The following FMN2 variants were observed in gnomAD, a reference collection of about 807,000 sequenced individuals.
FMN2 encodes formin 2, also known as formin-2.
Under a neutral mutation model 142.3 loss-of-function variants are expected in FMN2, and 51 were observed. The observed-to-expected ratio is 0.36, with a 90% CI of 0.29 to 0.45. The LOEUF (loss-of-function observed/expected upper bound fraction) is 0.45. Among genes scored for constraint, FMN2 ranks in the 20% least tolerant of loss-of-function variants. The pLI, the probability that FMN2 is intolerant of heterozygous loss-of-function variation, is 1.00. For synonymous variants in FMN2, 882 were observed against 869.8 expected (o/e 1.01, Z -0.25); for missense variants, 1,936 against 2,122.8 (o/e 0.91, Z 1.73).
intron 7 of FMN2, among the ~76,000 whole-genome samples, chr1:240,268,876 C>T (rs2102916067): frequency 6.6e-6 from 1 of 151,906 alleles, no homozygotes; most frequent in East Asian, 1.9e-4. Context: ...GATCCTTTGC[C>T]CATTTTCAAT....
At chr1:240,398,705 C>G (rs572955450) in intron 15 of FMN2, among the ~76,000 whole-genome samples, 2 of 152,256 alleles carry the variant, frequency 1.3e-5, no homozygotes, top group South Asian at 2.1e-4. Context: ...GATCCTCTGG[C>G]CTTTTGAGTC....
intron 5 of FMN2, 29 bp from the exon 6 acceptor site, chr1:240,211,062 T>A: frequency 1.3e-6 from 2 of 1,585,850 alleles, no homozygotes; most frequent in Non-Finnish European, 1.7e-6. Context: ...GTTTGATGGC[T>A]GTTTTATTGT....
chr1:240,373,724 C>T lies in FMN2; in HGVS notation c.4858+17816C>T, dbSNP rs558190657. Among the ~76,000 whole-genome samples the T allele has an allele frequency of 3.0e-3, 455 of 152,316 alleles. 3 individuals are homozygous for T. The highest frequency in any genetic ancestry group is 0.01 in the African/African-American group (425 of 41,584). ...ACCATTTCTTCAGTTCTTTCCTCTG[C>T]GGAAGACTTGAGCCCCTGCAAGTCA... On this transcript the variant is annotated intron_variant, in intron 14 of 17. Coordinates refer to ENST00000319653, the MANE Select transcript of FMN2 (RefSeq NM_020066.5).
chr1:240,169,380 T>C (rs1190876664), intron 2 of FMN2, among the ~76,000 whole-genome samples: 5 of 152,220 alleles, frequency 3.3e-5, no homozygotes, highest in Non-Finnish European at 7.3e-5. Context: ...TTGAGGTCAG[T>C]AGGACAAGGT....
chr1:240,174,852 T>G (rs1664852284), intron 2 of FMN2, among the ~76,000 whole-genome samples: 1 of 152,258 alleles, frequency 6.6e-6, no homozygotes, highest in African/African-American at 2.4e-5. Context: ...AACATTAATT[T>G]ACCACCTTAA....
chr1:240,276,404 A>G (rs1359301735), intron 7 of FMN2, among the ~76,000 whole-genome samples: 2 of 152,174 alleles, frequency 1.3e-5, no homozygotes, highest in African/African-American at 4.8e-5. Context: ...ATGTAAGGGA[A>G]GAGTGTGAGG....
At chr1:240,419,172 C>T (rs1396513264) in intron 15 of FMN2, among the ~76,000 whole-genome samples, 2 of 152,192 alleles carry the variant, frequency 1.3e-5, no homozygotes, top group African/African-American at 2.4e-5. Context: ...TTACTCCTTA[C>T]ACTTCTGACA....
At chr1:240,292,405 A>G (rs1460144986) in intron 7 of FMN2, among the ~76,000 whole-genome samples, 1 of 152,210 alleles carries the variant, frequency 6.6e-6, no homozygotes, top group African/African-American at 2.4e-5. Context: ...TCTGTGCATT[A>G]CCAGTTGTCT....
At chr1:240,428,827 G>C (rs951798457) in intron 15 of FMN2, among the ~76,000 whole-genome samples, 1 of 152,106 alleles carries the variant, frequency 6.6e-6, no homozygotes, top group Admixed American at 6.6e-5. Flanking sequence ...GTATAATAGA[G>C]CTCTTGAACT....
rs199669599 is a variant in FMN2 at position 240,355,787 on chromosome 1, A to G, written c.4766-29A>G. 110 of 1,530,418 alleles carry G rather than the reference A, an allele frequency of 7.2e-5. No individual in the cohort carries two copies. The African/African-American group carries it at 1.2e-3, about 17-fold the overall frequency. The allele number at this position is 1,530,418 out of a possible 1,614,324, so 94.8% of individuals were successfully genotyped here. On this transcript the variant is annotated intron_variant, in intron 13 of 17. Transcript: ENST00000319653. ...CTTAATGCTCCACTAACAGTGTGAC[A>G]CTCTAAATAATGTTCTGTCTAATTT...
At chr1:240,250,802 G>C (rs1668251870) in intron 6 of FMN2, among the ~76,000 whole-genome samples, 1 of 152,006 alleles carries the variant, frequency 6.6e-6, no homozygotes, top group Admixed American at 6.5e-5. Context: ...ATTTCTTCCT[G>C]ATTCAATCTT....
At chr1:240,213,463 A>G (rs1378850958) in intron 6 of FMN2, among the ~76,000 whole-genome samples, 1 of 152,216 alleles carries the variant, frequency 6.6e-6, no homozygotes, top group African/African-American at 2.4e-5. Flanking sequence ...GGATTGCTGA[A>G]GAAACATAGT....
chr1:240,149,121 G>C (rs950192915), intron 2 of FMN2, among the ~76,000 whole-genome samples: 3 of 152,128 alleles, frequency 2.0e-5, no homozygotes, highest in African/African-American at 7.2e-5. Context: ...ACAAGGGGTT[G>C]TAAAACATTG....
chr1:240,143,253 GAT>G, intron 2 of FMN2: 1 of 1,581,876 alleles, frequency 6.3e-7, no homozygotes. Context: ...AGCATCATGA[GAT>G]AATTTGCTTA....
intron 8 of FMN2, among the ~76,000 whole-genome samples, chr1:240,308,127 A>C (rs1424241588): frequency 6.6e-6 from 1 of 152,318 alleles, no homozygotes; most frequent in East Asian, 1.9e-4. Context: ...TGACATTTGA[A>C]CTAGGAATTG....
intron 15 of FMN2, among the ~76,000 whole-genome samples, chr1:240,419,550 G>A (rs968780024): frequency 3.9e-5 from 6 of 152,084 alleles, no homozygotes; most frequent in African/African-American, 4.8e-5. Context: ...GTAAGCTCCC[G>A]CAGTAATGGA....
At chr1:240,331,248 T>G (rs1671371767) in intron 11 of FMN2, among the ~76,000 whole-genome samples, 1 of 152,268 alleles carries the variant, frequency 6.6e-6, no homozygotes, top group South Asian at 2.1e-4. Context: ...CTGCATATGA[T>G]TTTCTCCTTG....
Position 240,211,199 on chromosome 1 carries a change from T to A in FMN2, c.4029T>A (p.Pro1343=). ...CTGCTGTAAAGGAGAGAAAGAAACC[T>A]ATCTCTGATACTATCTCAAAGACGA... is the stretch of plus-strand genomic sequence containing the variant. ...SKTAVKERKK[P]ISDTISKTKA... Residue 1343 remains proline, a synonymous_variant, in exon 6 of 18, where the codon CCT becomes CCA. Coordinates refer to ENST00000319653, the MANE Select transcript of FMN2 (RefSeq NM_020066.5). 1 of 1,612,672 alleles carries A rather than the reference T, an allele frequency of 6.2e-7. No homozygotes were observed. The highest frequency in any genetic ancestry group is 1.1e-5 in the South Asian group (1 of 90,738).
chr1:240,199,195 G>A (rs775943160), intron 4 of FMN2, among the ~76,000 whole-genome samples: 6 of 152,120 alleles, frequency 3.9e-5, no homozygotes, highest in Non-Finnish European at 8.8e-5. Context: ...ATGTCTAGAG[G>A]TATCCTAACC....
Sources: gnomAD v4.1 joint callset for allele counts (sites outside exome capture counted in the v4.1 genomes callset) on GRCh38, gnomAD v4.1.1 for gene constraint, MANE v1.5 for transcripts, NCBI Gene and HGNC (gene_info 2026-07-23, HGNC 2026-07-21) for gene names.